SLC38A6: variants seen among roughly 807,000 people sequenced by gnomAD.
SLC38A6 encodes the protein N system amino acid transporter NAT-1.
A neutral mutation model predicts 65.0 loss-of-function variants in SLC38A6; 73 were observed. The observed-to-expected ratio is 1.12, with a 90% CI of 0.93 to 1.37. The LOEUF is 1.37. Among genes scored for constraint, SLC38A6 ranks in the 40% most tolerant of loss-of-function variants. SLC38A6 has a pLI of 0.00. For synonymous variants in SLC38A6, 183 were observed against 178.8 expected (o/e 1.02, Z -0.19); for missense variants, 561 against 531.1 (o/e 1.06, Z -0.55).
chr14:61,010,081 G>A (rs1885098848), intron 3 of SLC38A6, among the ~76,000 whole-genome samples: 1 of 152,162 alleles, frequency 6.6e-6, no homozygotes, highest in Non-Finnish European at 1.5e-5. Context: ...ATTCTAACTG[G>A]TGTGAGATGG....
At chr14:61,062,059 G>A (rs945066185) in intron 15 of SLC38A6, among the ~76,000 whole-genome samples, 1 of 152,098 alleles carries the variant, frequency 6.6e-6, no homozygotes, top group African/African-American at 2.4e-5. Context: ...GGCTGGTCTT[G>A]TACTCCTGAC....
intron 6 of SLC38A6, among the ~76,000 whole-genome samples, chr14:61,035,425 T>C (rs2041288594): frequency 6.6e-6 from 1 of 152,170 alleles, no homozygotes; most frequent in South Asian, 2.1e-4. Flanking sequence ...GAGTATGCTG[T>C]TCTAAATATT....
intron 16 of SLC38A6, among the ~76,000 whole-genome samples, chr14:61,081,546 G>T (rs113862663): frequency 8.6e-5 from 13 of 152,004 alleles, no homozygotes; most frequent in African/African-American, 3.1e-4. Context: ...TTAGCTAGGC[G>T]TAGTAGTGTG....
At chr14:61,009,541 C>T (rs2039398561) in intron 3 of SLC38A6, among the ~76,000 whole-genome samples, 2 of 151,900 alleles carry the variant, frequency 1.3e-5, no homozygotes, top group South Asian at 4.2e-4. Context: ...TCCCCCTCCC[C>T]CACCCCACAG....
intron 3 of SLC38A6, among the ~76,000 whole-genome samples, chr14:61,013,819 T>A (rs1288058544): frequency 6.6e-6 from 1 of 152,210 alleles, no homozygotes; most frequent in Non-Finnish European, 1.5e-5. Context: ...CCTTAACATT[T>A]TTTCCTTCAT....
At chr14:60,991,723 A>G (rs919564605) in intron 3 of SLC38A6, among the ~76,000 whole-genome samples, 3 of 152,032 alleles carry the variant, frequency 2.0e-5, no homozygotes, top group Non-Finnish European at 2.9e-5. Context: ...TTTTTATACA[A>G]TCTCATTTAA....
chr14:61,078,532 G>GATTA (rs2139995935), intron 15 of SLC38A6, among the ~76,000 whole-genome samples: 1 of 152,186 alleles, frequency 6.6e-6, no homozygotes, highest in Admixed American at 6.5e-5. Flanking sequence ...GGTAGAGAAA[G>GATTA]ATTAATTGCC....
exon 17 of SLC38A6, chr14:61,083,669 C>G (rs1405695288): frequency 1.3e-6 from 2 of 1,550,062 alleles, no homozygotes; most frequent in Non-Finnish European, 1.7e-6. Context: ...CGTGTCCACA[C>G]CTTGATCTTG....
At chr14:61,034,454 C>G (rs962433690) in intron 6 of SLC38A6, among the ~76,000 whole-genome samples, 1 of 152,112 alleles carries the variant, frequency 6.6e-6, no homozygotes, top group Non-Finnish European at 1.5e-5. Context: ...CTACGAGAGA[C>G]AGCAAAACTA....
intron 12 of SLC38A6, among the ~76,000 whole-genome samples, chr14:61,047,568 T>A (rs553318874): frequency 2.0e-5 from 3 of 152,266 alleles, no homozygotes; most frequent in African/African-American, 7.2e-5. Flanking sequence ...ACTCAGAAAT[T>A]GTGCTATAGA....
At chr14:61,080,755 C>T (rs1194707514) in intron 16 of SLC38A6, among the ~76,000 whole-genome samples, 3 of 152,178 alleles carry the variant, frequency 2.0e-5, no homozygotes, top group African/African-American at 4.8e-5. Context: ...CTGCACCGGG[C>T]CCTGGTCACT....
Position 61,043,436 on chromosome 14 carries a change from A to T in SLC38A6, c.691-14A>T, listed in dbSNP as rs775390044. On this transcript the variant is annotated splice_polypyrimidine_tract_variant and intron_variant, in intron 9 of 15. Coordinates refer to ENST00000267488, the MANE Select transcript of SLC38A6 (RefSeq NM_153811.3). ...CTGTTGGTTTCTCTTTTTCCCCTCA[A>T]TGCTCTTAAACAGATTTCAAATGTT... The T allele has an allele frequency of 6.3e-7, 1 of 1,588,056 alleles. No homozygotes were observed. The highest frequency in any genetic ancestry group is 1.7e-4 in the Middle Eastern group (1 of 5,938).
intron 15 of SLC38A6, chr14:61,073,949 T>A (rs976043677): frequency 6.6e-6 from 1 of 152,144 alleles, no homozygotes; most frequent in Non-Finnish European, 1.5e-5. Context: ...ATAGTAAATA[T>A]GTTTTCTCTT....
chr14:61,009,819 G>T (rs1332765444), intron 3 of SLC38A6, among the ~76,000 whole-genome samples: 1 of 152,296 alleles, frequency 6.6e-6, no homozygotes, highest in Non-Finnish European at 1.5e-5. Context: ...CTTTGCTATT[G>T]TGAATAGTGC....
chr14:61,044,908 A>G (rs922718527), intron 10 of SLC38A6, among the ~76,000 whole-genome samples: 3 of 152,204 alleles, frequency 2.0e-5, no homozygotes, highest in African/African-American at 7.2e-5. Flanking sequence ...AGCAGGTTCA[A>G]GAGCATTAAC....
intron 3 of SLC38A6, among the ~76,000 whole-genome samples, chr14:61,005,452 T>C (rs530155261): frequency 1.7e-4 from 25 of 146,846 alleles, no homozygotes; most frequent in African/African-American, 5.5e-4. Flanking sequence ...CAGCCCAAAA[T>C]CTCCTTAAGC....
chr14:60,998,001 A>G (rs1374805509), intron 3 of SLC38A6, among the ~76,000 whole-genome samples: 3 of 152,042 alleles, frequency 2.0e-5, no homozygotes, highest in Non-Finnish European at 4.4e-5. Context: ...AATAAGAGCC[A>G]GTTACTTCCC....
At chr14:61,030,307 C>A in intron 5 of SLC38A6, 138 bp from the exon 6 acceptor site, 2 of 503,882 alleles carry the variant, frequency 4.0e-6, no homozygotes, top group Non-Finnish European at 3.5e-6. Flanking sequence ...GTGTATGTAT[C>A]TTTGGTATAG....
intron 8 of SLC38A6, among the ~76,000 whole-genome samples, chr14:61,038,090 T>G (rs1176853726): frequency 6.6e-6 from 1 of 152,138 alleles, no homozygotes; most frequent in Non-Finnish European, 1.5e-5. Context: ...AAACAGAGCT[T>G]CTGGTACTAC....
Sources: gnomAD v4.1 joint callset for allele counts (sites outside exome capture counted in the v4.1 genomes callset) on GRCh38, gnomAD v4.1.1 for gene constraint, MANE v1.5 for transcripts, NCBI Gene and HGNC (gene_info 2026-07-23, HGNC 2026-07-21) for gene names.